Variants in LAMC1 observed in about 807,000 individuals in gnomAD.
LAMC1 encodes laminin subunit gamma 1.
Under a neutral mutation model 173.6 loss-of-function variants are expected in LAMC1, and 38 were observed. The ratio of observed to expected loss-of-function variants is 0.22; its 90% CI spans 0.17 to 0.29. The LOEUF is 0.29. Ranked by LOEUF, LAMC1 falls within the 10% of genes least tolerant of loss-of-function variation. LAMC1 has a pLI of 1.00. For missense variants in LAMC1, 1,824 were observed against 2,051.8 expected (o/e 0.89, Z 2.14); for synonymous variants, 746 against 749.1 (o/e 1.00, Z 0.07).
At chr1:183,076,932 G>A (rs1373646199) in intron 1 of LAMC1, among the ~76,000 whole-genome samples, 1 of 152,152 alleles carries the variant, frequency 6.6e-6, no homozygotes, top group African/African-American at 2.4e-5. Context: ...GAAAAATAGT[G>A]TAACTTTATA....
chr1:183,064,226 G>A (rs1654808845), intron 1 of LAMC1, among the ~76,000 whole-genome samples: 1 of 152,126 alleles, frequency 6.6e-6, no homozygotes, highest in Non-Finnish European at 1.5e-5. Flanking sequence ...AATGGAGTAC[G>A]TTCTGAGAAA....
chr1:183,137,920 T>A, intron 26 of LAMC1, 93 bp downstream of exon 26: 1 of 1,106,416 alleles, frequency 9.0e-7, no homozygotes, highest in Non-Finnish European at 1.2e-6. Context: ...CTTTTTTATA[T>A]TGACTTCTGT....
At chr1:183,107,747 G>A (rs889085589) in intron 2 of LAMC1, among the ~76,000 whole-genome samples, 2 of 152,150 alleles carry the variant, frequency 1.3e-5, no homozygotes, top group South Asian at 2.1e-4. Flanking sequence ...GGAGAATGGC[G>A]TGAACCCAAG....
intron 27 of LAMC1, among the ~76,000 whole-genome samples, 192 bp from the exon 28 acceptor site, chr1:183,142,342 G>A (rs1031121151): frequency 2.0e-5 from 3 of 152,166 alleles, no homozygotes. Context: ...TCCCTGCTGG[G>A]TTAGGTCAGC....
chr1:183,069,779 C>A (rs1654968319), intron 1 of LAMC1, among the ~76,000 whole-genome samples: 1 of 152,210 alleles, frequency 6.6e-6, no homozygotes, highest in Non-Finnish European at 1.5e-5. Flanking sequence ...CTTGCACCTC[C>A]CTGGCCCTGG....
At chr1:183,138,022 A>G (rs1302743869) in intron 26 of LAMC1, 195 bp downstream of exon 26, 3 of 570,916 alleles carry the variant, frequency 5.3e-6, no homozygotes, top group South Asian at 1.2e-4. Flanking sequence ...TTGTTGCACA[A>G]TTGTCCTGTC....
At chr1:183,096,130 T>A (rs1229659009) in intron 1 of LAMC1, among the ~76,000 whole-genome samples, 1 of 152,228 alleles carries the variant, frequency 6.6e-6, no homozygotes, top group Non-Finnish European at 1.5e-5. Flanking sequence ...TTAGAACTTC[T>A]GCATTAGGTT....
intron 1 of LAMC1, among the ~76,000 whole-genome samples, chr1:183,087,719 T>G (rs1192646950): frequency 6.6e-6 from 1 of 152,182 alleles, no homozygotes; most frequent in Non-Finnish European, 1.5e-5. Context: ...AATAGAGGAC[T>G]AGAGGCTTCT....
At chr1:183,122,282 G>C in intron 13 of LAMC1, 31 bp downstream of exon 13, 1 of 1,603,048 alleles carries the variant, frequency 6.2e-7, no homozygotes, top group South Asian at 1.1e-5. Flanking sequence ...TGCTTTCAGT[G>C]TTCCCTTCTA....
At chr1:183,029,208 A>G (rs1653780315) in intron 1 of LAMC1, among the ~76,000 whole-genome samples, 1 of 152,184 alleles carries the variant, frequency 6.6e-6, no homozygotes, top group South Asian at 2.1e-4. Context: ...AATCTGTCCA[A>G]GACTCTACTC....
At chr1:183,090,409 G>T (rs1262169153) in intron 1 of LAMC1, among the ~76,000 whole-genome samples, 1 of 152,200 alleles carries the variant, frequency 6.6e-6, no homozygotes, top group Non-Finnish European at 1.5e-5. Context: ...GGTTTCTAAA[G>T]GAAAGTGTGT....
At chr1:183,033,181 G>A (rs893730848) in intron 1 of LAMC1, among the ~76,000 whole-genome samples, 17 of 152,304 alleles carry the variant, frequency 1.1e-4, no homozygotes, top group Admixed American at 2.0e-4. Flanking sequence ...CTCTGTACCA[G>A]AAGTTGCTGG....
Position 183,023,931 on chromosome 1 carries a change from C to T in LAMC1, c.215C>T (p.Pro72Leu), listed in dbSNP as rs780247039. The T allele has an allele frequency of 1.1e-5, 17 of 1,613,264 alleles. No individual in the cohort carries two copies. Among genetic ancestry groups the T allele is most frequent in the Admixed American group, 3.3e-5 (2 of 60,008 alleles). Residue 72 changes from proline (P) to leucine (L), a missense_variant, in exon 1 of 28, where the codon CCG (proline) becomes CTG (leucine). Coordinates refer to ENST00000258341, the MANE Select transcript of LAMC1 (RefSeq NM_002293.4). ...TVVATNTCGTPPEEYCVQTGV... is the reference protein window; with the variant it reads ...TVVATNTCGTLPEEYCVQTGV... Reference sequence around the variant, plus strand: ...GTGGCCACCAACACGTGTGGGACTCCGCCCGAGGAATACTGTGTGCAGACC... The same window carrying T: ...GTGGCCACCAACACGTGTGGGACTCTGCCCGAGGAATACTGTGTGCAGACC...
chr1:183,098,945 CAAAA>C (rs1033690439), intron 1 of LAMC1, among the ~76,000 whole-genome samples: 1 of 151,978 alleles, frequency 6.6e-6, no homozygotes, highest in Admixed American at 6.6e-5. Flanking sequence ...TATCAGAAAA[CAAAA>C]AAGAAAAGAA....
chr1:183,061,577 A>G (rs898897209), intron 1 of LAMC1, among the ~76,000 whole-genome samples: 5 of 152,072 alleles, frequency 3.3e-5, no homozygotes, highest in Non-Finnish European at 7.4e-5. Flanking sequence ...AAAAGTGCTT[A>G]TATCTTTTAA....
intron 1 of LAMC1, among the ~76,000 whole-genome samples, chr1:183,080,132 T>C (rs1463226345): frequency 1.3e-5 from 2 of 152,260 alleles, no homozygotes; most frequent in Middle Eastern, 3.4e-3. Context: ...TAATCCCAGC[T>C]ACTCTGGAGG....
chr1:183,049,004 G>C (rs1654340744), intron 1 of LAMC1, among the ~76,000 whole-genome samples: 1 of 152,078 alleles, frequency 6.6e-6, no homozygotes, highest in South Asian at 2.1e-4. Flanking sequence ...ACTACATCTT[G>C]AATTTCTTCC....
intron 1 of LAMC1, among the ~76,000 whole-genome samples, chr1:183,026,406 T>TCC (rs564226875): frequency 2.0e-5 from 3 of 149,312 alleles, no homozygotes; most frequent in African/African-American, 7.4e-5. Context: ...CTTTCTGTCC[T>TCC]CCCCCCCCCT....
At chr1:183,134,607 C>T (rs1167117992) in intron 22 of LAMC1, 53 bp from the exon 23 acceptor site, 1 of 1,456,470 alleles carries the variant, frequency 6.9e-7, no homozygotes, top group African/African-American at 1.4e-5. Context: ...CCTACCTTTT[C>T]ATTAGTTTAA....
Sources: gnomAD v4.1 joint callset for allele counts (sites outside exome capture counted in the v4.1 genomes callset) on GRCh38, gnomAD v4.1.1 for gene constraint, MANE v1.5 for transcripts, NCBI Gene and HGNC (gene_info 2026-07-23, HGNC 2026-07-21) for gene names.